RAP1A: variants seen among roughly 807,000 people sequenced by gnomAD.
RAP1A encodes ras-related protein Rap-1A.
A neutral mutation model predicts 26.4 loss-of-function variants in RAP1A; 6 were observed. That is an observed-to-expected ratio of 0.23 (90% confidence interval 0.12 to 0.45). RAP1A has a LOEUF of 0.45. Among genes scored for constraint, RAP1A ranks in the 20% least tolerant of loss-of-function variants. The probability of loss-of-function intolerance (pLI) is 0.99; values close to 1 mark genes in which losing one functional copy is unlikely to be tolerated. For missense variants in RAP1A, 121 were observed against 217.2 expected (o/e 0.56, Z 2.78); for synonymous variants, 73 against 79.4 (o/e 0.92, Z 0.43).
intron 4 of RAP1A, among the ~76,000 whole-genome samples, chr1:111,699,358 T>G (rs1045158652): frequency 2.0e-5 from 3 of 152,158 alleles, no homozygotes; most frequent in South Asian, 4.1e-4. Context: ...ATGGTTTTAC[T>G]CTAGGCTATG....
At chr1:111,690,182 A>G (rs1331613095) in intron 1 of RAP1A, among the ~76,000 whole-genome samples, 1 of 152,126 alleles carries the variant, frequency 6.6e-6, no homozygotes, top group Non-Finnish European at 1.5e-5. Context: ...AGCATCTAGA[A>G]TATCATTTAC....
At chr1:111,678,020 T>C (rs781120782) in intron 1 of RAP1A, among the ~76,000 whole-genome samples, 10 of 152,374 alleles carry the variant, frequency 6.6e-5, no homozygotes, top group South Asian at 4.1e-4. Context: ...TTTGTCGTTA[T>C]GCTGATATCA....
chr1:111,639,265 C>T (rs1659820506), intron 1 of RAP1A, among the ~76,000 whole-genome samples: 1 of 151,978 alleles, frequency 6.6e-6, no homozygotes, highest in African/African-American at 2.4e-5. Flanking sequence ...GTTTATTAAT[C>T]TAATATAGCT....
chr1:111,610,756 G>T (rs1334091314), intron 1 of RAP1A, among the ~76,000 whole-genome samples: 2 of 152,152 alleles, frequency 1.3e-5, no homozygotes, highest in East Asian at 1.9e-4. Context: ...TTCCTGTAAG[G>T]CTGCACTGGT....
chr1:111,610,533 AACACACACACACACAC>A (rs71099922), intron 1 of RAP1A, among the ~76,000 whole-genome samples: 205 of 141,866 alleles, frequency 1.4e-3, no homozygotes, highest in South Asian at 7.8e-3. Flanking sequence ...CCCTCCACCC[AACACACACACACACAC>A]ACACACACAC....
At chr1:111,649,041 C>T (rs1660172663) in intron 1 of RAP1A, 9 of 621,078 alleles carry the variant, frequency 1.4e-5, no homozygotes, top group Non-Finnish European at 2.8e-5. Flanking sequence ...GTGGATGTCA[C>T]TCTCCACAGA....
At chr1:111,663,675 T>G (rs913772100) in intron 1 of RAP1A, among the ~76,000 whole-genome samples, 2 of 152,248 alleles carry the variant, frequency 1.3e-5, no homozygotes, top group Non-Finnish European at 2.9e-5. Context: ...GGAAAAGGTC[T>G]TAGGCATTAG....
chr1:111,685,871 A>T (rs76160271), intron 1 of RAP1A, among the ~76,000 whole-genome samples: 8,995 of 117,006 alleles, frequency 0.077, 614 homozygotes, highest in African/African-American at 0.19. Context: ...CTTGGAACCA[A>T]CCCCAAATGC....
intron 1 of RAP1A, among the ~76,000 whole-genome samples, chr1:111,677,251 A>G (rs890247922): frequency 1.3e-5 from 2 of 152,180 alleles, no homozygotes; most frequent in African/African-American, 4.8e-5. Flanking sequence ...ATCACAATTT[A>G]TCTACTCACC....
chr1:111,566,677 A>G (rs1160998894), intron 1 of RAP1A, among the ~76,000 whole-genome samples: 1 of 152,160 alleles, frequency 6.6e-6, no homozygotes, highest in South Asian at 2.1e-4. Flanking sequence ...CTTTGATCAG[A>G]TGATGGTTAA....
At chr1:111,656,808 T>A (rs1344968883) in intron 1 of RAP1A, among the ~76,000 whole-genome samples, 1 of 152,014 alleles carries the variant, frequency 6.6e-6, no homozygotes, top group African/African-American at 2.4e-5. Flanking sequence ...TTTTAGTTAA[T>A]ATGGAGAATT....
intron 1 of RAP1A, among the ~76,000 whole-genome samples, chr1:111,674,705 G>T (rs1661071923): frequency 6.6e-6 from 1 of 152,138 alleles, no homozygotes; most frequent in African/African-American, 2.4e-5. Flanking sequence ...GCTCAAGCTA[G>T]ATACCTAGGA....
chr1:111,675,305 C>T (rs919880233), intron 1 of RAP1A, among the ~76,000 whole-genome samples: 27 of 152,096 alleles, frequency 1.8e-4, no homozygotes, highest in African/African-American at 6.5e-4. Context: ...CATGGTGAAA[C>T]CCCGTCTCTA....
chr1:111,609,957 C>G (rs1376701687), intron 1 of RAP1A, among the ~76,000 whole-genome samples: 1 of 152,128 alleles, frequency 6.6e-6, no homozygotes, highest in African/African-American at 2.4e-5. Context: ...GATTGACTTT[C>G]AAAATTGCCT....
chr1:111,702,487 G>A (rs997201886), intron 4 of RAP1A, among the ~76,000 whole-genome samples: 3 of 152,002 alleles, frequency 2.0e-5, no homozygotes, highest in African/African-American at 7.2e-5. Flanking sequence ...TAACTAAAGG[G>A]GATAGATAGT....
At chr1:111,545,591 C>T (rs1254572281) in intron 1 of RAP1A, among the ~76,000 whole-genome samples, 1 of 152,070 alleles carries the variant, frequency 6.6e-6, no homozygotes, top group Non-Finnish European at 1.5e-5. Flanking sequence ...TACTTTCTTG[C>T]TAGTGCCCTT....
intron 2 of RAP1A, among the ~76,000 whole-genome samples, chr1:111,694,055 A>C (rs1349217539): frequency 3.3e-5 from 5 of 152,020 alleles, no homozygotes; most frequent in African/African-American, 1.2e-4. Context: ...CACCTGGTTA[A>C]ATTTTTAAAT....
At chr1:111,669,319 C>T (rs61791764) in intron 1 of RAP1A, among the ~76,000 whole-genome samples, 15 of 152,170 alleles carry the variant, frequency 9.9e-5, no homozygotes, top group Non-Finnish European at 1.6e-4. Context: ...CATTGCCTTC[C>T]TGATAGTGAG....
chr1:111,588,480 A>G (rs1461692940), intron 1 of RAP1A, among the ~76,000 whole-genome samples: 1 of 152,180 alleles, frequency 6.6e-6, no homozygotes, highest in Non-Finnish European at 1.5e-5. Context: ...TGGAATTAAA[A>G]CATGGAACAC....
Sources: gnomAD v4.1 joint callset for allele counts (sites outside exome capture counted in the v4.1 genomes callset) on GRCh38, gnomAD v4.1.1 for gene constraint, MANE v1.5 for transcripts, NCBI Gene and HGNC (gene_info 2026-07-23, HGNC 2026-07-21) for gene names.